Variants in ATG14 observed in about 807,000 individuals in gnomAD.
The protein encoded by ATG14 is autophagy related 14, also known as beclin 1-associated autophagy-related key regulator.
In ATG14, 35 loss-of-function variants were observed where a neutral mutation model predicts 60.4. That is an observed-to-expected ratio of 0.58 (90% CI 0.44 to 0.77). The LOEUF (loss-of-function observed/expected upper bound fraction) is 0.77, where lower values mean the gene tolerates loss of function less well. Among genes scored for constraint, ATG14 ranks in the 30% least tolerant of loss-of-function variants. The pLI is 0.00. For synonymous variants in ATG14, 234 were observed against 228.8 expected (o/e 1.02, Z -0.21); for missense variants, 647 against 626.3 (o/e 1.03, Z -0.35).
rs1375639849 is a variant in ATG14 at position 55,411,772 on chromosome 14, G to A, written c.51C>T (p.Cys17=). ...GGTCCCGGGCGAGCGGCCGGGGCCC[G>A]CAGCCAGGAGCCTCCAGCGCCCGGG... ...KGARALEAPG[C]GPRPLARDLV... The change falls in exon 1 of 10, where the codon TGC becomes TGT. Residue 17 remains cysteine, a synonymous_variant. Coordinates refer to ENST00000247178, the MANE Select transcript of ATG14 (RefSeq NM_014924.5). The A allele has an allele frequency of 6.9e-6, 11 of 1,604,844 alleles. No homozygotes were observed. Among genetic ancestry groups the A allele is most frequent in the East Asian group, 2.2e-5 (1 of 44,604 alleles).
chr14:55,391,139 C>A, intron 3 of ATG14, 147 bp from the exon 4 acceptor site: 2 of 572,726 alleles, frequency 3.5e-6, no homozygotes, highest in Non-Finnish European at 6.0e-6. Context: ...AACTATGGAA[C>A]ATTACGAAAA....
chr14:55,378,693 C>G (rs769869333), intron 7 of ATG14, among the ~76,000 whole-genome samples: 1 of 151,858 alleles, frequency 6.6e-6, no homozygotes, highest in Non-Finnish European at 1.5e-5. Context: ...ACCACATTCC[C>G]TCTTACCTTT....
At chr14:55,379,311 G>A (rs927924355) in intron 7 of ATG14, among the ~76,000 whole-genome samples, 5 of 152,064 alleles carry the variant, frequency 3.3e-5, no homozygotes, top group Admixed American at 6.6e-5. Flanking sequence ...AGAGGAGGGC[G>A]GATCGCTTGA....
chr14:55,373,753 C>CT (rs1484586202), intron 9 of ATG14, among the ~76,000 whole-genome samples: 1 of 151,590 alleles, frequency 6.6e-6, no homozygotes, highest in East Asian at 1.9e-4. Context: ...GCCACCATGC[C>CT]TGGTCCTATT....
At chr14:55,405,502 A>G (rs1264654252) in intron 1 of ATG14, among the ~76,000 whole-genome samples, 2 of 152,174 alleles carry the variant, frequency 1.3e-5, no homozygotes, top group Non-Finnish European at 2.9e-5. Context: ...TCTCTTTTTA[A>G]TCCACATGTG....
Position 55,369,934 on chromosome 14 carries a change from A to G in ATG14, c.1173-9T>C, listed in dbSNP as rs757812087. The G allele has an allele frequency of 3.2e-6, 5 of 1,586,962 alleles. 1 individual carries two copies. The highest frequency in any genetic ancestry group is 4.3e-6 in the Non-Finnish European group (5 of 1,164,454). On this transcript the variant is annotated splice_polypyrimidine_tract_variant and intron_variant, in intron 9 of 9. Coordinates refer to ENST00000247178, the MANE Select transcript of ATG14 (RefSeq NM_014924.5). ...CTTCAAAGGGCCCTGACCTGTGTGC[A>G]GACAATGAGGGTCTCTTTAGGATAA...
intron 9 of ATG14, among the ~76,000 whole-genome samples, chr14:55,370,611 C>T (rs1383241351): frequency 4.0e-5 from 6 of 151,750 alleles, no homozygotes; most frequent in African/African-American, 1.5e-4. Context: ...CACAGGGAAC[C>T]GAGTCAGCAA....
At position 55,411,698 on chromosome 14, in the gene ATG14, C is replaced by A. The variant is rs766194717; in HGVS notation, c.125G>T (p.Arg42Leu). 3 of 1,612,874 alleles carry A rather than the reference C, an allele frequency of 1.9e-6. No individual in the cohort carries two copies. The highest frequency in any genetic ancestry group is 1.7e-6 in the Non-Finnish European group (2 of 1,179,732). ...DAEGLYVAVERCPLCNTTRRR... is the reference protein window; with the variant it reads ...DAEGLYVAVELCPLCNTTRRR... Reference sequence around the variant, plus strand: ...GCGGGTAGTGTTGCACAGCGGGCAGCGCTCCACAGCCACGTACAGCCCCTC... The same window carrying A: ...GCGGGTAGTGTTGCACAGCGGGCAGAGCTCCACAGCCACGTACAGCCCCTC... Residue 42 changes from arginine to leucine, a missense_variant, in exon 1 of 10, where the codon CGC becomes CTC. Physicochemically the swap from Arg to Leu is moderately radical, Grantham distance 102. Transcript: ENST00000247178.
chr14:55,370,312 T>C (rs116405666), intron 9 of ATG14, among the ~76,000 whole-genome samples: 2,127 of 152,250 alleles, frequency 0.014, 36 homozygotes, highest in African/African-American at 0.044. Flanking sequence ...AAAAAGCCAC[T>C]TGATGTATAC....
intron 5 of ATG14, among the ~76,000 whole-genome samples, chr14:55,382,434 G>C (rs1885052159): frequency 6.6e-6 from 1 of 152,088 alleles, no homozygotes; most frequent in East Asian, 1.9e-4. Flanking sequence ...TCCTGCCTCA[G>C]CCTCCTAAGT....
At chr14:55,406,027 G>A (rs1313540610) in intron 1 of ATG14, among the ~76,000 whole-genome samples, 2 of 151,954 alleles carry the variant, frequency 1.3e-5, no homozygotes, top group East Asian at 1.9e-4. Flanking sequence ...ATCGAACAAC[G>A]ACAAAAAAAT....
chr14:55,381,917 T>G (rs1259900979), intron 6 of ATG14, 45 bp downstream of exon 6: 2 of 1,530,858 alleles, frequency 1.3e-6, no homozygotes, highest in East Asian at 4.5e-5. Flanking sequence ...ATTTTACCTA[T>G]AACTCTCTCT....
intron 1 of ATG14, 133 bp downstream of exon 1, chr14:55,411,469 G>T: frequency 1.1e-6 from 1 of 896,230 alleles, no homozygotes; most frequent in Non-Finnish European, 1.7e-6. Context: ...AGAGCAGCTA[G>T]CTACACTCCC....
In ATG14 at chr14:55,401,737, G is replaced by C. The variant is rs540624660; in HGVS notation, c.222-4303C>G. On this transcript the variant is annotated intron_variant, in intron 1 of 9. Transcript: ENST00000247178. Reference sequence around the variant, plus strand: ...CAGATTGATGGGAACAAGGAGAAGGGTGCTCGCACACAGCCCCAGTGGCAC... The same window carrying C: ...CAGATTGATGGGAACAAGGAGAAGGCTGCTCGCACACAGCCCCAGTGGCAC... Among the ~76,000 whole-genome samples the C allele has an allele frequency of 1.1e-4, 17 of 152,200 alleles. No homozygotes were observed. In the East Asian group the frequency reaches 3.1e-3, roughly 28 times the overall value.
At chr14:55,401,628 C>A (rs1885401092) in intron 1 of ATG14, among the ~76,000 whole-genome samples, 1 of 152,156 alleles carries the variant, frequency 6.6e-6, no homozygotes, top group Non-Finnish European at 1.5e-5. Context: ...ATAAATTCTT[C>A]CATACTTTTA....
chr14:55,374,036 T>A (rs1884872857), intron 9 of ATG14, among the ~76,000 whole-genome samples: 1 of 152,168 alleles, frequency 6.6e-6, no homozygotes. Context: ...AAAACCTGAC[T>A]CAAGAGTAAG....
At chr14:55,394,075 C>T (rs1594782452) in intron 3 of ATG14, among the ~76,000 whole-genome samples, 1 of 149,494 alleles carries the variant, frequency 6.7e-6, no homozygotes, top group Non-Finnish European at 1.5e-5. Context: ...GGCGCAATCT[C>T]GGCTCACTGT....
intron 1 of ATG14, among the ~76,000 whole-genome samples, chr14:55,398,753 T>C (rs1885354798): frequency 6.6e-6 from 1 of 152,110 alleles, no homozygotes; most frequent in Non-Finnish European, 1.5e-5. Flanking sequence ...CAGTGTTCTA[T>C]AAATGTCTTC....
At chr14:55,396,227 A>T (rs1885312094) in intron 2 of ATG14, among the ~76,000 whole-genome samples, 1 of 152,202 alleles carries the variant, frequency 6.6e-6, no homozygotes, top group African/African-American at 2.4e-5. Flanking sequence ...TCTGCCTAAC[A>T]GTCTTAGCCT....
Sources: allele counts gnomAD v4.1 joint callset (sites outside exome capture counted in the v4.1 genomes callset), GRCh38; gene constraint gnomAD v4.1.1; transcripts MANE v1.5; gene names NCBI Gene and HGNC (gene_info 2026-07-23, HGNC 2026-07-21).